Variants in SGCZ observed in about 807,000 individuals in gnomAD.
SGCZ encodes zeta-sarcoglycan.
SGCZ carries 40 observed loss-of-function variants against 41.3 expected under a neutral mutation model. That is an observed-to-expected ratio of 0.97 (90% CI 0.75 to 1.26). The LOEUF (loss-of-function observed/expected upper bound fraction) is 1.26. Ranked by LOEUF, SGCZ falls within the 50% of genes most tolerant of loss-of-function variation. The pLI is 0.00. For synonymous variants in SGCZ, 206 were observed against 137.5 expected (o/e 1.50, Z -3.49); for missense variants, 552 against 369.8 (o/e 1.49, Z -4.04).
At chr8:14,491,251 A>G (rs1018816867) in intron 2 of SGCZ, among the ~76,000 whole-genome samples, 46 of 152,192 alleles carry the variant, frequency 3.0e-4, no homozygotes, top group African/African-American at 1.0e-3. Context: ...ACATACCACA[A>G]TGTAAACACA....
At chr8:15,107,933 CATT>C (rs1280936454) in intron 1 of SGCZ, among the ~76,000 whole-genome samples, 1 of 152,148 alleles carries the variant, frequency 6.6e-6, no homozygotes, top group African/African-American at 2.4e-5. Flanking sequence ...TTGAACAAAT[CATT>C]ATAAGTTTGT....
intron 1 of SGCZ, among the ~76,000 whole-genome samples, chr8:14,595,540 T>G (rs955796828): frequency 6.6e-6 from 1 of 151,826 alleles, no homozygotes; most frequent in African/African-American, 2.4e-5. Flanking sequence ...TGGACTGAAG[T>G]TCCGTGGCTG....
intron 3 of SGCZ, among the ~76,000 whole-genome samples, chr8:14,239,535 G>A (rs529337102): frequency 6.6e-6 from 1 of 151,944 alleles, no homozygotes. Flanking sequence ...TGAGTTACTA[G>A]ACATATTAAA....
chr8:14,138,968 G>T (rs1245629200), intron 5 of SGCZ, among the ~76,000 whole-genome samples: 3 of 152,092 alleles, frequency 2.0e-5, no homozygotes, highest in Non-Finnish European at 2.9e-5. Context: ...AAATGTAAAA[G>T]AACAGAAATC....
chr8:15,094,050 C>A (rs1806245492), intron 1 of SGCZ, among the ~76,000 whole-genome samples: 1 of 152,238 alleles, frequency 6.6e-6, no homozygotes, highest in Middle Eastern at 3.4e-3. Flanking sequence ...TTGAATGATA[C>A]ATCTAAATAG....
At chr8:14,950,907 AAGAGCC>A (rs1800613690) in intron 1 of SGCZ, among the ~76,000 whole-genome samples, 1 of 152,070 alleles carries the variant, frequency 6.6e-6, no homozygotes, top group African/African-American at 2.4e-5. Flanking sequence ...TTTAAATGGA[AAGAGCC>A]AAAATTAATG....
intron 2 of SGCZ, among the ~76,000 whole-genome samples, chr8:14,342,542 C>T (rs569294615): frequency 2.4e-4 from 37 of 152,182 alleles, no homozygotes; most frequent in African/African-American, 8.4e-4. Context: ...GTCTCGATCT[C>T]CTGAACTGGT....
chr8:14,936,797 T>A (rs540528290), intron 1 of SGCZ, among the ~76,000 whole-genome samples: 1 of 151,928 alleles, frequency 6.6e-6, no homozygotes, highest in South Asian at 2.1e-4. Flanking sequence ...ATGAAGAAAG[T>A]GTAACTAATG....
In SGCZ at chr8:14,127,702, C is replaced by T. The variant is rs369147256; in HGVS notation, c.548-19467G>A. Reference sequence around the variant, plus strand: ...TGATCTCCTGATCTTGTGCTCCACACGCCTCAGCCTCCCAAAGTGCTGGGA... The same window carrying T: ...TGATCTCCTGATCTTGTGCTCCACATGCCTCAGCCTCCCAAAGTGCTGGGA... On this transcript the variant is annotated intron_variant, in intron 5 of 7. Coordinates refer to ENST00000382080, the MANE Select transcript of SGCZ (RefSeq NM_139167.4). Among the ~76,000 whole-genome samples, 883 of 152,262 alleles carry T rather than the reference C, an allele frequency of 5.8e-3. 9 individuals are homozygous for T. Among genetic ancestry groups the T allele is most frequent in the African/African-American group, 0.021 (854 of 41,556 alleles).
chr8:14,325,022 C>A (rs1048708993), intron 2 of SGCZ, among the ~76,000 whole-genome samples: 1 of 152,032 alleles, frequency 6.6e-6, no homozygotes, highest in African/African-American at 2.4e-5. Context: ...GGAGAGAAAG[C>A]AATGGAGAGT....
At chr8:14,279,750 G>A (rs1235336800) in intron 3 of SGCZ, among the ~76,000 whole-genome samples, 1 of 151,888 alleles carries the variant, frequency 6.6e-6, no homozygotes, top group Admixed American at 6.6e-5. Context: ...TAGATTCACA[G>A]CCTCATTAAC....
At chr8:14,831,209 G>A (rs768032883) in intron 1 of SGCZ, among the ~76,000 whole-genome samples, 2 of 152,158 alleles carry the variant, frequency 1.3e-5, no homozygotes, top group African/African-American at 2.4e-5. Context: ...GTCAAAGAAA[G>A]ATTTTCAAAG....
chr8:14,224,343 T>A (rs1366556760), intron 4 of SGCZ, among the ~76,000 whole-genome samples: 1 of 152,124 alleles, frequency 6.6e-6, no homozygotes, highest in African/African-American at 2.4e-5. Flanking sequence ...ATTCTCCTTG[T>A]CAGCAGATAA....
At chr8:15,165,663 C>G (rs906226481) in intron 1 of SGCZ, among the ~76,000 whole-genome samples, 2 of 152,060 alleles carry the variant, frequency 1.3e-5, no homozygotes, top group Admixed American at 6.5e-5. Context: ...TATTTACACG[C>G]AAGGTGTATG....
chr8:14,342,666 T>C (rs1425676467), intron 2 of SGCZ, among the ~76,000 whole-genome samples: 4 of 152,094 alleles, frequency 2.6e-5, no homozygotes, highest in Non-Finnish European at 4.4e-5. Context: ...ACTTGGGTGC[T>C]ATTAAAGGCA....
At chr8:14,751,037 T>C (rs1454240683) in intron 1 of SGCZ, among the ~76,000 whole-genome samples, 1 of 152,236 alleles carries the variant, frequency 6.6e-6, no homozygotes, top group African/African-American at 2.4e-5. Flanking sequence ...CTGCTATTGC[T>C]ATCATATGTA....
At chr8:14,963,904 C>T (rs1801047189) in intron 1 of SGCZ, among the ~76,000 whole-genome samples, 1 of 152,090 alleles carries the variant, frequency 6.6e-6, no homozygotes, top group African/African-American at 2.4e-5. Context: ...AAACTTTTCA[C>T]CTATGATTTT....
intron 1 of SGCZ, among the ~76,000 whole-genome samples, chr8:14,750,501 C>G (rs1563245154): frequency 6.6e-6 from 1 of 152,076 alleles, no homozygotes; most frequent in Non-Finnish European, 1.5e-5. Flanking sequence ...AGAGAGCTGT[C>G]TTTATGTGTC....
At chr8:15,219,718 G>C (rs1055522746) in intron 1 of SGCZ, among the ~76,000 whole-genome samples, 1 of 152,174 alleles carries the variant, frequency 6.6e-6, no homozygotes, top group African/African-American at 2.4e-5. Context: ...ACTGAGGAGA[G>C]ATTTTGTGCC....
Sources: gnomAD v4.1 joint callset for allele counts (sites outside exome capture counted in the v4.1 genomes callset) on GRCh38, gnomAD v4.1.1 for gene constraint, MANE v1.5 for transcripts, NCBI Gene and HGNC (gene_info 2026-07-23, HGNC 2026-07-21) for gene names.